The following TRAPPC6B variants were observed in gnomAD, a reference collection of about 807,000 sequenced individuals.
TRAPPC6B encodes the protein TRAPP complex subunit 6B.
A neutral mutation model predicts 24.7 loss-of-function variants in TRAPPC6B; 27 were observed. The ratio of observed to expected loss-of-function variants is 1.09; its 90% CI spans 0.81 to 1.51. TRAPPC6B has a LOEUF of 1.51. Among genes scored for constraint, TRAPPC6B ranks in the 40% most tolerant of loss-of-function variants. The probability of loss-of-function intolerance (pLI) is 0.00; values close to 1 mark genes in which losing one functional copy is unlikely to be tolerated. For missense variants in TRAPPC6B, 212 were observed against 190.8 expected (o/e 1.11, Z -0.66); for synonymous variants, 80 against 66.6 (o/e 1.20, Z -0.98).
rs1003834034 is a variant in TRAPPC6B at position 39,150,297 on chromosome 14, T to C, written c.*53A>G. The C allele has an allele frequency of 1.4e-6, 2 of 1,450,608 alleles. No homozygotes were observed. Among genetic ancestry groups the C allele is most frequent in the South Asian group, 2.5e-5 (2 of 81,090 alleles). 89.9% of individuals were successfully genotyped at this position (1,450,608 alleles called of 1,614,324 possible). On this transcript the variant is annotated 3_prime_UTR_variant, in exon 6 of 6. Transcript: ENST00000330149. The stretch of plus-strand genomic sequence containing the variant: ...AAATCATCACTACTTGAAATACTTT[T>C]ACATGAATAATTTATCTCTTTACAC...
intron 3 of TRAPPC6B, chr14:39,157,598 C>T: frequency 2.7e-6 from 1 of 372,784 alleles, no homozygotes; most frequent in South Asian, 2.1e-5. Context: ...ATGGGGGTCC[C>T]TTACCGCATT....
intron 1 of TRAPPC6B, among the ~76,000 whole-genome samples, chr14:39,166,051 C>T (rs111364052): frequency 0.018 from 2,737 of 152,144 alleles, 98 homozygotes; most frequent in African/African-American, 0.063. Context: ...ACCTGCCTGC[C>T]TTGGCCTCCC....
chr14:39,159,544 C>T lies in TRAPPC6B; in HGVS notation c.88G>A (p.Gly30Arg), dbSNP rs370349041. 2.4e-5 allele frequency: 38 copies of T among 1,601,434 alleles called. No homozygotes were observed. Among genetic ancestry groups the T allele is most frequent in the Non-Finnish European group, 3.0e-5 (35 of 1,173,178 alleles). ...KSAEQGEVEN[G>R]RCITKLENMG... ...TTTTCCAGCTTAGTAATACATCGTCCGTTTTCCTATTTTAAAAAACAATAG... is the reference window on the plus strand; with the variant it reads ...TTTTCCAGCTTAGTAATACATCGTCTGTTTTCCTATTTTAAAAAACAATAG... The change falls in exon 2 of 6, where the codon GGA becomes AGA. Residue 30 changes from glycine to arginine, a missense_variant. By Grantham distance (125) the Gly-to-Arg change is moderately radical (BLOSUM62 -2). Transcript: ENST00000330149.
At chr14:39,152,515 A>C (rs928596316) in intron 4 of TRAPPC6B, among the ~76,000 whole-genome samples, 1 of 152,202 alleles carries the variant, frequency 6.6e-6, no homozygotes, top group African/African-American at 2.4e-5. Flanking sequence ...ACCCACATCT[A>C]TACTGCATGA....
rs73291541 is a variant in TRAPPC6B at position 39,147,991 on chromosome 14, C to T, written c.*2359G>A. 1 of 151,988 alleles carries T rather than the reference C, an allele frequency of 6.6e-6. No homozygotes were observed. The highest frequency in any genetic ancestry group is 1.5e-5 in the Non-Finnish European group (1 of 68,006). The allele number at this position is 151,988 out of a possible 1,614,324, so 9.4% of individuals were successfully genotyped here. On this transcript the variant is annotated 3_prime_UTR_variant, in exon 6 of 6. Transcript: ENST00000330149. ...GCTACAAGTAACAATATACATATAC[C>T]CAAAGCAAATGGAACAATATAAAGA...
chr14:39,164,088 C>T (rs552312777), intron 1 of TRAPPC6B, among the ~76,000 whole-genome samples: 1 of 152,268 alleles, frequency 6.6e-6, no homozygotes, highest in South Asian at 2.1e-4. Flanking sequence ...TCATTTCTCT[C>T]CTGGTTTTTA....
In TRAPPC6B at chr14:39,148,719, T is replaced by C. The variant is rs1012507843; in HGVS notation, c.*1631A>G. The C allele has an allele frequency of 5.0e-6, 2 of 398,368 alleles. No homozygotes were observed. Among genetic ancestry groups the C allele is most frequent in the African/African-American group, 4.1e-5 (2 of 48,622 alleles). The allele number at this position is 398,368 out of a possible 1,614,324, so 24.7% of individuals were successfully genotyped here. On this transcript the variant is annotated 3_prime_UTR_variant, in exon 6 of 6. Coordinates refer to ENST00000330149, the MANE Select transcript of TRAPPC6B (RefSeq NM_001079537.2). ...TTCCTAAATTTTTTCAAAATTAAAA[T>C]TTTTTCCCCAAAACATGTGAGAATT... is the stretch of plus-strand genomic sequence containing the variant.
intron 4 of TRAPPC6B, 133 bp from the exon 5 acceptor site, chr14:39,151,972 A>G: frequency 1.6e-6 from 1 of 622,838 alleles, no homozygotes; most frequent in Non-Finnish European, 2.7e-6. Context: ...AGAACTGTTC[A>G]AATTACTGAA....
chr14:39,160,771 A>T (rs1364510235), intron 1 of TRAPPC6B, among the ~76,000 whole-genome samples: 1 of 152,200 alleles, frequency 6.6e-6, no homozygotes, highest in Non-Finnish European at 1.5e-5. Context: ...ACACAATGAA[A>T]AGTTGCACTA....
intron 4 of TRAPPC6B, among the ~76,000 whole-genome samples, chr14:39,153,468 A>AT (rs145393559): frequency 0.03 from 4,476 of 151,078 alleles, 227 homozygotes; most frequent in African/African-American, 0.1. Context: ...TCTCTAAAAA[A>AT]TTTTTTTAAA....
intron 4 of TRAPPC6B, 75 bp downstream of exon 4, chr14:39,154,132 AGTTT>A: frequency 3.6e-6 from 3 of 830,054 alleles, no homozygotes; most frequent in Middle Eastern, 2.3e-4. Context: ...TTAATTCAAT[AGTTT>A]GTTATGATTA....
intron 3 of TRAPPC6B, chr14:39,157,601 A>G: frequency 2.7e-6 from 1 of 376,556 alleles, no homozygotes; most frequent in South Asian, 2.1e-5. Context: ...GGGGTCCCTT[A>G]CCGCATTATC....
chr14:39,157,988 T>A (rs1386520801), intron 3 of TRAPPC6B: 1 of 240,468 alleles, frequency 4.2e-6, no homozygotes, highest in Non-Finnish European at 7.9e-6. Context: ...TTACCACTAA[T>A]TAACAGTAAC....
At position 39,150,028 on chromosome 14, in the gene TRAPPC6B, T is replaced by C. The variant is rs1003884992; in HGVS notation, c.*322A>G. On this transcript the variant is annotated 3_prime_UTR_variant, in exon 6 of 6. Transcript: ENST00000330149. Reference sequence around the variant, plus strand: ...GTTGGTACATAATTTTCTCTCATGCTAATTCAACAAACCCTGAGCTTTGTT... The same window carrying C: ...GTTGGTACATAATTTTCTCTCATGCCAATTCAACAAACCCTGAGCTTTGTT... The C allele has an allele frequency of 1.9e-5, 4 of 207,466 alleles. No individual in the cohort carries two copies. The highest frequency in any genetic ancestry group is 3.8e-5 in the Non-Finnish European group (4 of 104,608). 12.9% of individuals were successfully genotyped at this position (207,466 alleles called of 1,614,324 possible).
At position 39,170,097 on chromosome 14, in the gene TRAPPC6B, TC is replaced by T. The variant is rs1454972703; in HGVS notation, c.-3del. 4 of 1,614,084 alleles carry T rather than the reference TC, an allele frequency of 2.5e-6. No individual in the cohort carries two copies. The highest frequency in any genetic ancestry group is 1.7e-4 in the Middle Eastern group (1 of 6,060). ...CAAAAACAACGCCTCATCCGCCATT[TC>T]CTGCTAATTCTTCCAAGCTTCGAGT... is the stretch of plus-strand genomic sequence containing the variant. On this transcript the variant is annotated 5_prime_UTR_variant, in exon 1 of 6. Coordinates refer to ENST00000330149, the MANE Select transcript of TRAPPC6B (RefSeq NM_001079537.2).
intron 1 of TRAPPC6B, among the ~76,000 whole-genome samples, chr14:39,162,624 T>G (rs916951957): frequency 3.3e-5 from 5 of 152,222 alleles, no homozygotes; most frequent in Admixed American, 1.3e-4. Context: ...GTCATTTGCT[T>G]TCTGCTCTAA....
At chr14:39,156,123 A>ATCTC (rs2052975741) in intron 3 of TRAPPC6B, among the ~76,000 whole-genome samples, 3 of 152,156 alleles carry the variant, frequency 2.0e-5, no homozygotes, top group Admixed American at 6.6e-5. Context: ...TCATGTCTAG[A>ATCTC]GAGTAAAAAA....
intron 1 of TRAPPC6B, among the ~76,000 whole-genome samples, 182 bp downstream of exon 1, chr14:39,169,833 A>G (rs957505979): frequency 6.6e-6 from 1 of 152,238 alleles, no homozygotes; most frequent in African/African-American, 2.4e-5. Context: ...AAAACGATGA[A>G]AGATGACGGT....
chr14:39,161,526 T>C (rs1271488531), intron 1 of TRAPPC6B, among the ~76,000 whole-genome samples: 1 of 152,184 alleles, frequency 6.6e-6, no homozygotes, highest in African/African-American at 2.4e-5. Flanking sequence ...ATATTATAAA[T>C]AATTTCTCCC....
Sources: allele counts gnomAD v4.1 joint callset (sites outside exome capture counted in the v4.1 genomes callset), GRCh38; gene constraint gnomAD v4.1.1; transcripts MANE v1.5; gene names NCBI Gene and HGNC (gene_info 2026-07-23, HGNC 2026-07-21).